Variants in SUPT3H observed in about 807,000 individuals in gnomAD.
SUPT3H encodes SPT3 homolog, SAGA and STAGA complex component.
SUPT3H carries 44 observed loss-of-function variants against 44.3 expected under a neutral mutation model. That is an observed-to-expected ratio of 0.99 (90% CI 0.78 to 1.28). SUPT3H has a LOEUF of 1.28. Among genes scored for constraint, SUPT3H ranks in the 50% most tolerant of loss-of-function variants. The pLI is 0.00. For missense variants in SUPT3H, 380 were observed against 387.1 expected (o/e 0.98, Z 0.15); for synonymous variants, 124 against 125.6 (o/e 0.99, Z 0.09).
intron 2 of SUPT3H, among the ~76,000 whole-genome samples, chr6:45,303,393 G>C (rs529896187): frequency 1.2e-4 from 18 of 152,228 alleles, no homozygotes; most frequent in Non-Finnish European, 5.9e-5. Flanking sequence ...CTAATATCCA[G>C]AATCTACAAG....
At chr6:45,176,789 T>G (rs1406562006) in intron 2 of SUPT3H, among the ~76,000 whole-genome samples, 2 of 152,098 alleles carry the variant, frequency 1.3e-5, no homozygotes, top group African/African-American at 2.4e-5. Flanking sequence ...GCAGCCTAAC[T>G]AGGAGGCACC....
chr6:45,160,062 C>G (rs1808681564), intron 2 of SUPT3H, among the ~76,000 whole-genome samples: 1 of 152,056 alleles, frequency 6.6e-6, no homozygotes, highest in Non-Finnish European at 1.5e-5. Flanking sequence ...AAAGTAGGTA[C>G]CAGAAGAACT....
At chr6:45,139,078 C>A (rs1370662934) in intron 2 of SUPT3H, among the ~76,000 whole-genome samples, 4 of 152,112 alleles carry the variant, frequency 2.6e-5, no homozygotes, top group Non-Finnish European at 5.9e-5. Context: ...AAGTCTACCC[C>A]CCTTTTAAGT....
rs368136449 is a variant in SUPT3H at position 45,009,800 on chromosome 6, G to A, written c.364+5001C>T. ...GTTCTAGGTATTCTAGTTCCCTCAC[G>A]ACCTAGATGAGTCATTTCCATATCA... On this transcript the variant is annotated intron_variant, in intron 5 of 10. Transcript: ENST00000371459. Among the ~76,000 whole-genome samples, 3 of 152,148 alleles carry A rather than the reference G, an allele frequency of 2.0e-5. No homozygotes were observed. The East Asian group carries it at 5.8e-4, about 29-fold the overall frequency.
chr6:45,355,018 A>G (rs1419522491), intron 2 of SUPT3H, among the ~76,000 whole-genome samples: 2 of 152,182 alleles, frequency 1.3e-5, no homozygotes, highest in Non-Finnish European at 2.9e-5. Context: ...TCTGTCACCC[A>G]GGCTAAAGTG....
intron 2 of SUPT3H, among the ~76,000 whole-genome samples, chr6:45,175,042 TA>T (rs1277434168): frequency 7.6e-6 from 1 of 132,134 alleles, no homozygotes; most frequent in Admixed American, 7.5e-5. Flanking sequence ...AAAAAAAAAT[TA>T]AAAAAATTAA....
intron 2 of SUPT3H, among the ~76,000 whole-genome samples, chr6:45,311,474 A>G (rs1783938787): frequency 6.6e-6 from 1 of 152,210 alleles, no homozygotes; most frequent in South Asian, 2.1e-4. Flanking sequence ...CACCTGGGAA[A>G]TTCATCACAA....
At chr6:45,302,756 A>T (rs986362721) in intron 2 of SUPT3H, among the ~76,000 whole-genome samples, 1 of 151,922 alleles carries the variant, frequency 6.6e-6, no homozygotes, top group Admixed American at 6.6e-5. Context: ...TCTTTAAGGA[A>T]TCTCCACACT....
intron 9 of SUPT3H, among the ~76,000 whole-genome samples, chr6:44,943,721 A>T (rs1316696780): frequency 6.6e-6 from 1 of 152,170 alleles, no homozygotes; most frequent in East Asian, 1.9e-4. Flanking sequence ...AATAGAGAAA[A>T]AAGTGGAATG....
intron 2 of SUPT3H, among the ~76,000 whole-genome samples, chr6:45,280,978 T>G (rs1382149133): frequency 6.6e-6 from 1 of 152,236 alleles, no homozygotes; most frequent in Non-Finnish European, 1.5e-5. Context: ...GGGGGAAAAC[T>G]GCACTTCGAT....
intron 2 of SUPT3H, among the ~76,000 whole-genome samples, chr6:45,347,235 T>C (rs1265945048): frequency 6.6e-6 from 1 of 152,200 alleles, no homozygotes; most frequent in African/African-American, 2.4e-5. Context: ...AATTAAGAGA[T>C]ATAGTAAATT....
At chr6:44,864,018 G>A (rs1025009036) in intron 10 of SUPT3H, among the ~76,000 whole-genome samples, 1 of 151,628 alleles carries the variant, frequency 6.6e-6, no homozygotes, top group Non-Finnish European at 1.5e-5. Context: ...AGATTTGGGT[G>A]GGGACACAGA....
intron 2 of SUPT3H, among the ~76,000 whole-genome samples, chr6:45,120,477 G>C (rs1000312448): frequency 6.9e-6 from 1 of 145,548 alleles, no homozygotes; most frequent in South Asian, 2.2e-4. Flanking sequence ...AGGGTGACTG[G>C]AGTAGGATGA....
intron 5 of SUPT3H, among the ~76,000 whole-genome samples, chr6:45,009,071 C>G (rs569199243): frequency 1.1e-4 from 16 of 152,084 alleles, no homozygotes; most frequent in Admixed American, 9.2e-4. Context: ...ATTAGTTAAT[C>G]TTCTTTGTAG....
At chr6:45,298,002 A>G (rs1322588873) in intron 2 of SUPT3H, among the ~76,000 whole-genome samples, 1 of 152,244 alleles carries the variant, frequency 6.6e-6, no homozygotes, top group East Asian at 1.9e-4. Context: ...CACCAAGCTG[A>G]TAATTTGTAG....
At position 45,302,514 on chromosome 6, in the gene SUPT3H, A is replaced by AATATATATATAT. The variant is rs10524207; in HGVS notation, c.101+62675_101+62686dup. 6.9e-4 allele frequency among the ~76,000 whole-genome samples: 73 copies of AATATATATATAT among 105,362 alleles called. 1 individual carries two copies. Among genetic ancestry groups the AATATATATATAT allele is most frequent in the Non-Finnish European group, 1.1e-3 (57 of 51,258 alleles). The allele number at this position is 105,362 out of a possible 152,430, so 69.1% of individuals were successfully genotyped here. A position where few individuals can be genotyped will look rare whatever the true frequency, so the allele number is the denominator to read the frequency against. Reference sequence around the variant, plus strand: ...ATAATATATAATGAAGTATCTCAGGAATATATATATATATATATATATATA... The same window carrying AATATATATATAT: ...ATAATATATAATGAAGTATCTCAGGAATATATATATATATATATATATATATATATATATATA... On this transcript the variant is annotated intron_variant, in intron 2 of 10. Coordinates refer to ENST00000371459, the MANE Select transcript of SUPT3H (RefSeq NM_003599.4).
chr6:44,825,075 T>C (rs1581836384), downstream of SUPT3H, among the ~76,000 whole-genome samples: 1 of 152,220 alleles, frequency 6.6e-6, no homozygotes, highest in Admixed American at 6.5e-5. Flanking sequence ...CGTGAAACGG[T>C]AGCCTGTAAA....
intron 2 of SUPT3H, among the ~76,000 whole-genome samples, chr6:45,203,379 C>T (rs1762721142): frequency 6.6e-6 from 1 of 152,162 alleles, no homozygotes; most frequent in East Asian, 1.9e-4. Context: ...GTTAATTCTA[C>T]CTCTTAAGTA....
At chr6:45,251,440 G>A (rs980822597) in intron 2 of SUPT3H, among the ~76,000 whole-genome samples, 5 of 150,072 alleles carry the variant, frequency 3.3e-5, no homozygotes, top group Admixed American at 6.7e-5. Context: ...CACAGTGTTC[G>A]ATGCCAGCAG....
Sources: allele counts gnomAD v4.1 joint callset (sites outside exome capture counted in the v4.1 genomes callset), GRCh38; gene constraint gnomAD v4.1.1; transcripts MANE v1.5; gene names NCBI Gene and HGNC (gene_info 2026-07-23, HGNC 2026-07-21).